Variants in PTPRK observed in about 807,000 individuals in gnomAD.
PTPRK encodes the protein protein tyrosine phosphatase receptor type K, also known as receptor-type tyrosine-protein phosphatase kappa.
Under a neutral mutation model 178.0 loss-of-function variants are expected in PTPRK, and 75 were observed. The ratio of observed to expected loss-of-function variants is 0.42; its 90% confidence interval spans 0.35 to 0.51. The LOEUF is 0.51. PTPRK is among the 20% of genes least tolerant of loss of function. The pLI is 0.02. For synonymous variants in PTPRK, 637 were observed against 620.6 expected, an observed-to-expected ratio of 1.03 and a Z score of -0.39; for missense variants, 1,441 against 1,797.8, an observed-to-expected ratio of 0.80 and a Z score of 3.59.
chr6:128,208,309 A>G (rs2128263155), intron 6 of PTPRK, among the ~76,000 whole-genome samples: 1 of 152,086 alleles, frequency 6.6e-6, no homozygotes, highest in African/African-American at 2.4e-5. Flanking sequence ...AAAAAAAAAA[A>G]AAAAAAATTC....
At chr6:128,182,301 C>A (rs1038491822) in intron 7 of PTPRK, among the ~76,000 whole-genome samples, 1 of 152,060 alleles carries the variant, frequency 6.6e-6, no homozygotes, top group African/African-American at 2.4e-5. Flanking sequence ...ATGGGCCAGG[C>A]ACGGTAGCTC....
At chr6:128,464,040 C>T (rs2128413888) in intron 1 of PTPRK, among the ~76,000 whole-genome samples, 1 of 152,152 alleles carries the variant, frequency 6.6e-6, no homozygotes, top group South Asian at 2.1e-4. Context: ...CAGACATGAG[C>T]CACCACACCC....
chr6:128,476,902 A>G (rs1445423901), intron 1 of PTPRK, among the ~76,000 whole-genome samples: 2 of 151,450 alleles, frequency 1.3e-5, no homozygotes, highest in Non-Finnish European at 3.0e-5. Flanking sequence ...AAAAAAAATC[A>G]ATCTTGAGAG....
intron 7 of PTPRK, among the ~76,000 whole-genome samples, chr6:128,183,247 T>C (rs1802224649): frequency 6.6e-6 from 1 of 152,268 alleles, no homozygotes; most frequent in Admixed American, 6.6e-5. Flanking sequence ...CCTCAGAAAG[T>C]TTATCTTCTA....
intron 7 of PTPRK, among the ~76,000 whole-genome samples, chr6:128,182,432 G>A (rs978917636): frequency 6.6e-6 from 1 of 151,994 alleles, no homozygotes; most frequent in African/African-American, 2.4e-5. Flanking sequence ...AAATTAGCTG[G>A]GCATGGTAGC....
intron 1 of PTPRK, among the ~76,000 whole-genome samples, chr6:128,440,268 T>G (rs1339127819): frequency 6.6e-6 from 1 of 152,124 alleles, no homozygotes; most frequent in East Asian, 1.9e-4. Context: ...GCTACTTAAT[T>G]TCTTATCTCT....
chr6:128,071,672 T>G (rs1224663269), intron 11 of PTPRK, among the ~76,000 whole-genome samples: 1 of 152,010 alleles, frequency 6.6e-6, no homozygotes, highest in Non-Finnish European at 1.5e-5. Context: ...TATTTCTACC[T>G]TTTTTCATGC....
At chr6:128,429,857 C>CAGAGAAA (rs1844600521) in intron 1 of PTPRK, among the ~76,000 whole-genome samples, 1 of 152,042 alleles carries the variant, frequency 6.6e-6, no homozygotes, top group African/African-American at 2.4e-5. Flanking sequence ...AGAACATCAA[C>CAGAGAAA]CATAATGAGA....
intron 6 of PTPRK, among the ~76,000 whole-genome samples, chr6:128,203,887 T>C (rs539446373): frequency 6.6e-6 from 1 of 152,290 alleles, no homozygotes; most frequent in South Asian, 2.1e-4. Context: ...CCCATTAGAC[T>C]ACTATTGATG....
At chr6:128,498,440 G>C (rs1855053927) in intron 1 of PTPRK, among the ~76,000 whole-genome samples, 1 of 152,204 alleles carries the variant, frequency 6.6e-6, no homozygotes, top group Admixed American at 6.5e-5. Context: ...ACAGCACTTG[G>C]CAAAGAGCCC....
At chr6:128,466,001 G>C (rs1410077820) in intron 1 of PTPRK, among the ~76,000 whole-genome samples, 1 of 152,122 alleles carries the variant, frequency 6.6e-6, no homozygotes, top group East Asian at 1.9e-4. Flanking sequence ...AGTAATAACA[G>C]GATATTAAAC....
chr6:128,341,519 A>C (rs2128331516), intron 2 of PTPRK, among the ~76,000 whole-genome samples: 1 of 152,352 alleles, frequency 6.6e-6, no homozygotes, highest in Non-Finnish European at 1.5e-5. Flanking sequence ...TTTTTGTGAA[A>C]GAAAATCCAT....
At chr6:128,208,805 T>C (rs1807494617) in intron 6 of PTPRK, among the ~76,000 whole-genome samples, 1 of 152,196 alleles carries the variant, frequency 6.6e-6, no homozygotes, top group Admixed American at 6.6e-5. Flanking sequence ...GCCCTATGAT[T>C]AGTTTAAGGC....
At position 128,519,239 on chromosome 6, in the gene PTPRK, C is replaced by T. The variant is rs1858592586; in HGVS notation, c.100+1020G>A. 1 of 408,766 alleles carries T rather than the reference C, an allele frequency of 2.4e-6. No homozygotes were observed. The highest frequency in any genetic ancestry group is 4.9e-6 in the Non-Finnish European group (1 of 205,394). 25.3% of individuals were successfully genotyped at this position (408,766 alleles called of 1,614,324 possible). A position where few individuals can be genotyped will look rare whatever the true frequency, so the allele number is the denominator to read the frequency against. On this transcript the variant is annotated intron_variant, in intron 1 of 29. Coordinates refer to ENST00000368226, the MANE Select transcript of PTPRK (RefSeq NM_002844.4). The surrounding 1 kb of genome is among the most constrained non-coding windows in gnomAD (Gnocchi z 4.3). The stretch of plus-strand genomic sequence containing the variant: ...CGTCCACCTGGTGAAACTTCAGAGC[C>T]CCCAGAGGAGAGAACGAAAGAAGCA...
intron 2 of PTPRK, among the ~76,000 whole-genome samples, chr6:128,370,998 G>T (rs191525799): frequency 6.6e-6 from 1 of 152,038 alleles, no homozygotes; most frequent in African/African-American, 2.4e-5. Flanking sequence ...GATTTCATTT[G>T]CCTCAAAACA....
At chr6:128,331,261 TTCC>T (rs900973111) in intron 2 of PTPRK, among the ~76,000 whole-genome samples, 1 of 152,136 alleles carries the variant, frequency 6.6e-6, no homozygotes, top group African/African-American at 2.4e-5. Flanking sequence ...CTGCCCTGCA[TTCC>T]CATAGCACTT....
chr6:127,998,812 G>C lies in PTPRK; in HGVS notation c.2587C>G (p.Gln863Glu). The C allele has an allele frequency of 1.9e-6, 3 of 1,610,844 alleles. No individual in the cohort carries two copies. Among genetic ancestry groups the C allele is most frequent in the Non-Finnish European group, 2.5e-6 (3 of 1,178,024 alleles). Residue 863 changes from glutamine (Q) to glutamate (E), a missense_variant, in exon 16 of 30, where the codon CAG (glutamine) becomes GAG (glutamate). Transcript: ENST00000368226. ...EGTESPYQTG[Q>E]LHPAIRVADL... ...GCTACCCTGATGGCTGGATGCAGCTGTCCTGTCTGGTAAGGGGATTCCGTC... is the reference window on the plus strand; with the variant it reads ...GCTACCCTGATGGCTGGATGCAGCTCTCCTGTCTGGTAAGGGGATTCCGTC...
chr6:128,456,937 T>C (rs1293180606), intron 1 of PTPRK, among the ~76,000 whole-genome samples: 1 of 152,114 alleles, frequency 6.6e-6, no homozygotes, highest in Non-Finnish European at 1.5e-5. Flanking sequence ...TTCCCTTTCT[T>C]AAAGACTTAT....
At chr6:128,383,995 C>T (rs761149972) in intron 2 of PTPRK, among the ~76,000 whole-genome samples, 18 of 152,060 alleles carry the variant, frequency 1.2e-4, no homozygotes, top group Non-Finnish European at 2.2e-4. Context: ...TACCCAAATG[C>T]TTTATACAGC....
Sources: gnomAD v4.1 joint callset for allele counts (sites outside exome capture counted in the v4.1 genomes callset) on GRCh38, gnomAD v4.1.1 for gene constraint, Gnocchi (gnomAD v3.1) non-coding constraint, MANE v1.5 for transcripts, NCBI Gene and HGNC (gene_info 2026-07-23, HGNC 2026-07-21) for gene names.